Variants in ERC1 observed in about 807,000 individuals in gnomAD.
The protein encoded by ERC1 is ELKS/RAB6-interacting/CAST family member 1.
ERC1 carries 56 observed loss-of-function variants against 132.0 expected under a neutral mutation model. The observed-to-expected ratio is 0.42, with a 90% CI of 0.34 to 0.53. The LOEUF is 0.53. Among genes scored for constraint, ERC1 ranks in the 20% least tolerant of loss-of-function variants. The pLI, the probability that ERC1 is intolerant of heterozygous loss-of-function variation, is 0.03. For synonymous variants in ERC1, 478 were observed against 476.1 expected (o/e 1.00, Z -0.05); for missense variants, 1,202 against 1,349.9 (o/e 0.89, Z 1.72).
intron 14 of ERC1, among the ~76,000 whole-genome samples, chr12:1,285,061 A>G (rs563359416): frequency 1.0e-3 from 158 of 151,748 alleles, no homozygotes; most frequent in African/African-American, 3.7e-3. Context: ...TTTTAATCGA[A>G]TTTTTTTTTG....
chr12:1,183,269 T>C lies in ERC1; in HGVS notation c.2017-12T>C. On this transcript the variant is annotated splice_polypyrimidine_tract_variant and intron_variant, in intron 10 of 18. Transcript: ENST00000360905. ...AAAATTATTTATTCTAGATGTGTGT[T>C]CCTTCTTTTAGGCTTCACTTTTGGA... 1 of 1,523,836 alleles carries C rather than the reference T, an allele frequency of 6.6e-7. No homozygotes were observed. 94.4% of individuals were successfully genotyped at this position (1,523,836 alleles called of 1,614,324 possible). A position where few individuals can be genotyped will look rare whatever the true frequency, so the allele number is the denominator to read the frequency against.
In ERC1 at chr12:1,090,832, C is replaced by CATT. The variant is rs1555233839; in HGVS notation, c.1086+7265_1086+7267dup. On this transcript the variant is annotated intron_variant, in intron 3 of 18. Transcript: ENST00000360905. Reference sequence around the variant, plus strand: ...ACAGGCAATATGCCTATGCCTGGCCCATTATTATTATTATTGTTGTTGTTG... The same window carrying CATT: ...ACAGGCAATATGCCTATGCCTGGCCCATTATTATTATTATTATTGTTGTTGTTG... Among the ~76,000 whole-genome samples, 2 of 7,778 alleles carry CATT rather than the reference C, an allele frequency of 2.6e-4. 1 individual carries two copies. The highest frequency in any genetic ancestry group is 1.5e-3 in the Non-Finnish European group (2 of 1,316). 5.1% of individuals were successfully genotyped at this position (7,778 alleles called of 152,430 possible).
Position 1,374,179 on chromosome 12 carries a change from G to A in ERC1, c.2925+2202G>A, listed in dbSNP as rs1285603056. ...TCTAGTCCATGAATTGCTGGAATGTGCCTCAGTCTAAAGGCTATTTCCTAA... is the reference window on the plus strand; with the variant it reads ...TCTAGTCCATGAATTGCTGGAATGTACCTCAGTCTAAAGGCTATTTCCTAA... On this transcript the variant is annotated intron_variant, in intron 16 of 18. Coordinates refer to ENST00000360905, the MANE Select transcript of ERC1 (RefSeq NM_178040.4). Among the ~76,000 whole-genome samples, 13 of 152,214 alleles carry A rather than the reference G, an allele frequency of 8.5e-5. No homozygotes were observed. In the East Asian group the frequency reaches 2.3e-3, roughly 27 times the overall value.
chr12:1,296,401 C>CTTTTTTTTTTTTT lies in ERC1; in HGVS notation c.2780+6406_2780+6418dup, dbSNP rs57458560. Among the ~76,000 whole-genome samples, 8 of 76,236 alleles carry CTTTTTTTTTTTTT rather than the reference C, an allele frequency of 1.0e-4. 1 individual carries two copies. The highest frequency in any genetic ancestry group is 1.2e-4 in the Non-Finnish European group (5 of 42,124). The allele number at this position is 76,236 out of a possible 152,430, so 50.0% of individuals were successfully genotyped here. Reference sequence around the variant, plus strand: ...AGAAATGAAACATTTATTGGATAGTCTTTTTTTTTTTTTTTTTTTTTTTTT... The same window carrying CTTTTTTTTTTTTT: ...AGAAATGAAACATTTATTGGATAGTCTTTTTTTTTTTTTTTTTTTTTTTTTTTTTTTTTTTTTT... On this transcript the variant is annotated intron_variant, in intron 15 of 18. Transcript: ENST00000360905.
intron 3 of ERC1, among the ~76,000 whole-genome samples, chr12:1,093,421 T>A (rs1224058848): frequency 6.6e-6 from 1 of 152,176 alleles, no homozygotes; most frequent in Non-Finnish European, 1.5e-5. Context: ...GGTGATTCTG[T>A]TATACACCAA....
At chr12:1,062,993 G>C (rs906008998) in intron 2 of ERC1, among the ~76,000 whole-genome samples, 9 of 152,082 alleles carry the variant, frequency 5.9e-5, no homozygotes, top group African/African-American at 1.9e-4. Context: ...AGTCTATTTT[G>C]TTTGATATAA....
At chr12:1,271,376 G>A (rs1388025702) in intron 14 of ERC1, among the ~76,000 whole-genome samples, 13 of 152,136 alleles carry the variant, frequency 8.5e-5, no homozygotes. Context: ...ATGGATAAAG[G>A]ATAGAAGAGA....
intron 14 of ERC1, among the ~76,000 whole-genome samples, chr12:1,263,536 A>G (rs2077273621): frequency 6.6e-6 from 1 of 152,240 alleles, no homozygotes; most frequent in Admixed American, 6.5e-5. Flanking sequence ...CCCTGCATTA[A>G]TAACTTAGGT....
At position 1,415,686 on chromosome 12, in the gene ERC1, T is replaced by C. The variant is rs144881424; in HGVS notation, c.3024+7439T>C. Reference sequence around the variant, plus strand: ...GCAGTGAATTGCACTGCTTTCTTGGTATGGAGAAAATGGTCCAAAAACCAA... The same window carrying C: ...GCAGTGAATTGCACTGCTTTCTTGGCATGGAGAAAATGGTCCAAAAACCAA... On this transcript the variant is annotated intron_variant, in intron 17 of 18. Transcript: ENST00000360905. 3.8e-4 allele frequency among the ~76,000 whole-genome samples: 58 copies of C among 152,278 alleles called. 1 individual carries two copies. In the East Asian group the frequency reaches 0.011, roughly 29 times the overall value.
chr12:1,418,725 T>TCTTTCTTTC lies in ERC1; in HGVS notation c.3024+10478_3024+10479insCTTTCTTTC, dbSNP rs1431578086. The stretch of plus-strand genomic sequence containing the variant: ...TTCTTTCTTTCTTTCTTTCTTTCTT[T>TCTTTCTTTC]TTGGAGACAGGATCTCTCTCTCTGT... On this transcript the variant is annotated intron_variant, in intron 17 of 18. Transcript: ENST00000360905. 8.0e-4 allele frequency among the ~76,000 whole-genome samples: 110 copies of TCTTTCTTTC among 137,232 alleles called. 1 individual carries two copies. Among genetic ancestry groups the TCTTTCTTTC allele is most frequent in the Admixed American group, 5.3e-4 (7 of 13,204 alleles). 90.0% of individuals were successfully genotyped at this position (137,232 alleles called of 152,430 possible).
chr12:1,352,823 A>G (rs2085138576), intron 15 of ERC1, among the ~76,000 whole-genome samples: 1 of 152,194 alleles, frequency 6.6e-6, no homozygotes, highest in Admixed American at 6.5e-5. Context: ...TTTCTTTCAA[A>G]GTACATACAA....
chr12:1,014,826 CA>C (rs1041386782), intron 1 of ERC1, among the ~76,000 whole-genome samples: 2 of 143,282 alleles, frequency 1.4e-5, no homozygotes, highest in African/African-American at 2.6e-5. Context: ...TGCAGTGGTG[CA>C]ATCTCAGCTC....
Position 1,183,254 on chromosome 12 carries a change from ATTCTAGATGTGTGTTCC to A in ERC1, c.2017-22_2017-6del. ...ACCTCTATTTTTTTTAAAATTATTT[ATTCTAGATGTGTGTTCC>A]TTCTTTTAGGCTTCACTTTTGGATC... On this transcript the variant is annotated splice_polypyrimidine_tract_variant and intron_variant, in intron 10 of 18. Transcript: ENST00000360905. 1 of 1,453,812 alleles carries A rather than the reference ATTCTAGATGTGTGTTCC, an allele frequency of 6.9e-7. No homozygotes were observed. 90.1% of individuals were successfully genotyped at this position (1,453,812 alleles called of 1,614,324 possible).
chr12:1,211,202 G>T lies in ERC1; in HGVS notation c.2351+21150G>T, dbSNP rs545915922. On this transcript the variant is annotated intron_variant, in intron 12 of 18. Coordinates refer to ENST00000360905, the MANE Select transcript of ERC1 (RefSeq NM_178040.4). ...TCGCTCTTATTGCCCAGACTGGAGT[G>T]CAATGGCACAATCTCGGCTTACCGC... Among the ~76,000 whole-genome samples the T allele has an allele frequency of 2.2e-3, 329 of 152,258 alleles. 1 individual carries two copies. The highest frequency in any genetic ancestry group is 7.6e-3 in the African/African-American group (314 of 41,554).
At chr12:1,463,344 G>C (rs772769534) in intron 18 of ERC1, among the ~76,000 whole-genome samples, 2 of 152,074 alleles carry the variant, frequency 1.3e-5, no homozygotes, top group African/African-American at 2.4e-5. Context: ...TGGGTGTATC[G>C]CTCAAGTAGC....
At chr12:1,042,347 T>G (rs1970370526) in intron 2 of ERC1, among the ~76,000 whole-genome samples, 1 of 141,110 alleles carries the variant, frequency 7.1e-6, no homozygotes, top group Non-Finnish European at 1.5e-5. Flanking sequence ...TGTTTTTTTT[T>G]TTTTTTTTTC....
chr12:1,261,794 A>G (rs912361803), intron 13 of ERC1, among the ~76,000 whole-genome samples: 1 of 152,224 alleles, frequency 6.6e-6, no homozygotes, highest in Non-Finnish European at 1.5e-5. Flanking sequence ...GAGAAGAATG[A>G]AAACTTGTAA....
chr12:1,388,345 C>CA (rs34634557), intron 16 of ERC1, among the ~76,000 whole-genome samples: 15,813 of 84,392 alleles, frequency 0.19, 1,367 homozygotes, highest in East Asian at 0.28. Context: ...GACTCTGTCT[C>CA]AAAAAAAAAA....
rs550987736 is a variant in ERC1 at position 1,366,930 on chromosome 12, A to G, written c.2781-4903A>G. On this transcript the variant is annotated intron_variant, in intron 15 of 18. Coordinates refer to ENST00000360905, the MANE Select transcript of ERC1 (RefSeq NM_178040.4). ...ACATGACCTGCAGAGGACATAAGAT[A>G]TACAGGGACCAAAGTTTGCGAGGGC... Among the ~76,000 whole-genome samples, 18 of 152,318 alleles carry G rather than the reference A, an allele frequency of 1.2e-4. 1 individual carries two copies. The highest frequency in any genetic ancestry group is 4.3e-4 in the African/African-American group (18 of 41,572).
Sources: gnomAD v4.1 joint callset for allele counts (sites outside exome capture counted in the v4.1 genomes callset) on GRCh38, gnomAD v4.1.1 for gene constraint, MANE v1.5 for transcripts, NCBI Gene and HGNC (gene_info 2026-07-23, HGNC 2026-07-21) for gene names.